The following AGBL4 variants were observed in gnomAD, a reference collection of about 807,000 sequenced individuals.
The protein encoded by AGBL4 is AGBL carboxypeptidase 4.
A neutral mutation model predicts 66.4 loss-of-function variants in AGBL4; 58 were observed. That is an observed-to-expected ratio of 0.87 (90% CI 0.71 to 1.09). The LOEUF (loss-of-function observed/expected upper bound fraction) is 1.09, where lower values mean the gene tolerates loss of function less well. AGBL4 is among the 50% of genes least tolerant of loss of function. AGBL4 has a pLI of 0.00. For synonymous variants in AGBL4, 234 were observed against 222.9 expected (o/e 1.05, Z -0.44); for missense variants, 579 against 631.0 (o/e 0.92, Z 0.88).
chr1:49,602,433 G>T (rs567994879), intron 3 of AGBL4, among the ~76,000 whole-genome samples: 8 of 152,036 alleles, frequency 5.3e-5, no homozygotes, highest in Admixed American at 1.3e-4. Context: ...CAAAGACTTG[G>T]AACCAACCCA....
chr1:48,793,295 C>A (rs1645594517), intron 6 of AGBL4, among the ~76,000 whole-genome samples: 1 of 152,180 alleles, frequency 6.6e-6, no homozygotes, highest in Non-Finnish European at 1.5e-5. Context: ...GAGCATCTCT[C>A]TCACAAACTC....
At chr1:49,108,562 G>A (rs1256486553) in intron 4 of AGBL4, among the ~76,000 whole-genome samples, 2 of 152,130 alleles carry the variant, frequency 1.3e-5, no homozygotes, top group Non-Finnish European at 2.9e-5. Context: ...TAATGGTTCT[G>A]GAAGTACAAG....
chr1:49,910,497 G>A (rs12025804), intron 1 of AGBL4, among the ~76,000 whole-genome samples: 1 of 152,158 alleles, frequency 6.6e-6, no homozygotes, highest in East Asian at 1.9e-4. Flanking sequence ...GGGAAGTTTT[G>A]CTGTAAAGGA....
intron 1 of AGBL4, among the ~76,000 whole-genome samples, chr1:50,019,306 TCACACACACACACA>T (rs35648756): frequency 4.1e-5 from 2 of 48,402 alleles, no homozygotes; most frequent in Non-Finnish European, 7.4e-5. Context: ...TCTCTCTCTC[TCACACACACACACA>T]CACACACACA....
intron 6 of AGBL4, among the ~76,000 whole-genome samples, chr1:48,780,464 T>C (rs1645266548): frequency 6.6e-6 from 1 of 152,176 alleles, no homozygotes; most frequent in African/African-American, 2.4e-5. Context: ...AGAGCCCATG[T>C]AGCCAACACA....
intron 3 of AGBL4, among the ~76,000 whole-genome samples, chr1:49,405,475 T>C (rs1645176979): frequency 6.6e-6 from 1 of 152,180 alleles, no homozygotes; most frequent in Non-Finnish European, 1.5e-5. Flanking sequence ...TCATGATAAG[T>C]ATTCAATATG....
chr1:49,179,567 G>A (rs536544775), intron 4 of AGBL4, among the ~76,000 whole-genome samples: 1 of 151,964 alleles, frequency 6.6e-6, no homozygotes, highest in African/African-American at 2.4e-5. Flanking sequence ...AGGACAAAAG[G>A]AGCAATATTC....
intron 1 of AGBL4, among the ~76,000 whole-genome samples, chr1:49,880,967 A>C (rs1356898488): frequency 2.0e-5 from 3 of 151,842 alleles, no homozygotes; most frequent in East Asian, 1.9e-4. Flanking sequence ...AAAGGGAACT[A>C]CCTGACCCCT....
chr1:48,998,848 T>C (rs1194867773), intron 5 of AGBL4, among the ~76,000 whole-genome samples: 1 of 152,164 alleles, frequency 6.6e-6, no homozygotes, highest in Non-Finnish European at 1.5e-5. Flanking sequence ...TAGGGAAACA[T>C]ACTTGAGAAG....
chr1:49,523,733 C>A (rs1032053818), intron 3 of AGBL4, among the ~76,000 whole-genome samples: 3 of 151,972 alleles, frequency 2.0e-5, no homozygotes, highest in African/African-American at 7.2e-5. Context: ...ATGAATAAAT[C>A]AATTAGATAG....
chr1:48,745,949 C>T (rs1163597162), intron 6 of AGBL4, among the ~76,000 whole-genome samples: 4 of 152,056 alleles, frequency 2.6e-5, no homozygotes, highest in South Asian at 4.1e-4. Context: ...CAGCCAAAAA[C>T]GGTGCCTTTT....
chr1:49,680,391 T>G (rs1646669517), intron 3 of AGBL4, among the ~76,000 whole-genome samples: 1 of 152,030 alleles, frequency 6.6e-6, no homozygotes, highest in Non-Finnish European at 1.5e-5. Flanking sequence ...TAAGAACTTC[T>G]TTTAGTCATT....
At chr1:49,565,798 G>C (rs1156540958) in intron 3 of AGBL4, among the ~76,000 whole-genome samples, 1 of 152,096 alleles carries the variant, frequency 6.6e-6, no homozygotes, top group Non-Finnish European at 1.5e-5. Flanking sequence ...CTCTTCTTGA[G>C]GAGTATCTTT....
intron 3 of AGBL4, among the ~76,000 whole-genome samples, chr1:49,440,194 C>T (rs1164750400): frequency 1.3e-5 from 2 of 151,886 alleles, no homozygotes; most frequent in African/African-American, 4.8e-5. Context: ...CTCAACCTCC[C>T]AAGTAGCTGG....
intron 6 of AGBL4, among the ~76,000 whole-genome samples, chr1:48,760,464 C>T (rs1045866058): frequency 1.3e-5 from 2 of 152,140 alleles, no homozygotes; most frequent in African/African-American, 4.8e-5. Flanking sequence ...AATCGTAAGT[C>T]GTTTTATCTG....
chr1:49,997,784 C>T (rs766303967), intron 1 of AGBL4, among the ~76,000 whole-genome samples: 3 of 152,022 alleles, frequency 2.0e-5, no homozygotes, highest in Non-Finnish European at 4.4e-5. Context: ...GAACATTATC[C>T]AAGATAGACC....
chr1:48,675,111 G>A (rs936409194), intron 6 of AGBL4, among the ~76,000 whole-genome samples: 7 of 152,152 alleles, frequency 4.6e-5, no homozygotes, highest in African/African-American at 1.7e-4. Context: ...ATGTAAAATT[G>A]GTTTGGAAAA....
At chr1:48,825,500 G>C (rs1202038290) in intron 6 of AGBL4, among the ~76,000 whole-genome samples, 2 of 152,140 alleles carry the variant, frequency 1.3e-5, no homozygotes, top group African/African-American at 4.8e-5. Context: ...TTGTGTGATT[G>C]TTTAATACTT....
At chr1:49,339,867 C>G (rs1645503934) in intron 3 of AGBL4, among the ~76,000 whole-genome samples, 2 of 152,284 alleles carry the variant, frequency 1.3e-5, no homozygotes, top group East Asian at 3.9e-4. Flanking sequence ...GAATTTCAAG[C>G]TAGTCATCAA....
Sources: allele counts gnomAD v4.1 joint callset (sites outside exome capture counted in the v4.1 genomes callset), GRCh38; gene constraint gnomAD v4.1.1; transcripts MANE v1.5; gene names NCBI Gene and HGNC (gene_info 2026-07-23, HGNC 2026-07-21).